DLC1: variants seen among roughly 807,000 people sequenced by gnomAD.
The protein encoded by DLC1 is rho GTPase-activating protein 7.
A neutral mutation model predicts 140.3 loss-of-function variants in DLC1; 54 were observed. That is an observed-to-expected ratio of 0.38 (90% confidence interval 0.31 to 0.48). The LOEUF (loss-of-function observed/expected upper bound fraction) is 0.48. Ranked by LOEUF, DLC1 falls within the 20% of genes least tolerant of loss-of-function variation. The pLI, the probability that DLC1 is intolerant of heterozygous loss-of-function variation, is 0.96. For missense variants in DLC1, 2,536 were observed against 1,907.0 expected, an observed-to-expected ratio of 1.33 and a Z score of -6.14; for synonymous variants, 986 against 728.1, an observed-to-expected ratio of 1.35 and a Z score of -5.70.
intron 1 of DLC1, among the ~76,000 whole-genome samples, chr8:13,512,665 G>A (rs1181846879): frequency 6.6e-6 from 1 of 152,032 alleles, no homozygotes; most frequent in Non-Finnish European, 1.5e-5. Context: ...GATGCCTGGG[G>A]GTGGTGCTGT....
chr8:13,372,664 G>C (rs895075195), intron 4 of DLC1, among the ~76,000 whole-genome samples: 4 of 152,008 alleles, frequency 2.6e-5, no homozygotes, highest in African/African-American at 9.7e-5. Flanking sequence ...CCTCATCTTT[G>C]TGAGTAAAAA....
intron 5 of DLC1, among the ~76,000 whole-genome samples, chr8:13,201,796 A>G (rs1827393650): frequency 6.6e-6 from 1 of 152,058 alleles, no homozygotes; most frequent in Non-Finnish European, 1.5e-5. Flanking sequence ...TATTTTTTTC[A>G]AACATTTATT....
chr8:13,202,324 T>C (rs1426944580), intron 5 of DLC1, among the ~76,000 whole-genome samples: 1 of 152,214 alleles, frequency 6.6e-6, no homozygotes, highest in African/African-American at 2.4e-5. Flanking sequence ...ATTTACAGGG[T>C]ACAGTGTGAT....
intron 5 of DLC1, among the ~76,000 whole-genome samples, chr8:13,126,201 A>C (rs7830817): frequency 0.6 from 91,181 of 151,886 alleles, 29,736 homozygotes; most frequent in African/African-American, 0.87. Flanking sequence ...TATCTCCCAA[A>C]TAATCAAAAA....
At chr8:13,371,207 A>C (rs765303085) in intron 4 of DLC1, among the ~76,000 whole-genome samples, 1 of 152,008 alleles carries the variant, frequency 6.6e-6, no homozygotes, top group African/African-American at 2.4e-5. Context: ...TCTTGAATCC[A>C]TGTATGCCTC....
chr8:13,480,194 G>A (rs921182595), intron 2 of DLC1, among the ~76,000 whole-genome samples: 1 of 152,140 alleles, frequency 6.6e-6, no homozygotes, highest in Non-Finnish European at 1.5e-5. Flanking sequence ...AAAAAATAGA[G>A]CATAGACAGT....
At chr8:13,560,206 C>T (rs6986670) in intron 1 of DLC1, among the ~76,000 whole-genome samples, 1 of 151,786 alleles carries the variant, frequency 6.6e-6, no homozygotes, top group Non-Finnish European at 1.5e-5. Flanking sequence ...ATACTCAGAT[C>T]GAATAGTAGG....
intron 2 of DLC1, among the ~76,000 whole-genome samples, chr8:13,465,651 T>C (rs1563371090): frequency 6.6e-6 from 1 of 152,210 alleles, no homozygotes; most frequent in Non-Finnish European, 1.5e-5. Flanking sequence ...TGTTTCTAAA[T>C]GTTGCTAATT....
At chr8:13,264,052 T>TTTTATTTATTTATATA (rs1554484716) in intron 5 of DLC1, among the ~76,000 whole-genome samples, 2 of 143,034 alleles carry the variant, frequency 1.4e-5, no homozygotes, top group African/African-American at 5.2e-5. Flanking sequence ...ATAAGAAGCT[T>TTTTATTTATTTATATA]TTTATTTATT....
intron 1 of DLC1, among the ~76,000 whole-genome samples, chr8:13,560,879 C>A (rs888677320): frequency 6.6e-6 from 1 of 152,006 alleles, no homozygotes; most frequent in African/African-American, 2.4e-5. Flanking sequence ...TGGAACAGAT[C>A]CTCCCCTCAC....
At chr8:13,167,611 G>C (rs1374277281) in intron 5 of DLC1, among the ~76,000 whole-genome samples, 2 of 152,302 alleles carry the variant, frequency 1.3e-5, no homozygotes, top group East Asian at 3.9e-4. Context: ...GCCTTGCTAT[G>C]TGAAAGGCAC....
At chr8:13,469,744 T>A (rs968522420) in intron 2 of DLC1, among the ~76,000 whole-genome samples, 2 of 152,214 alleles carry the variant, frequency 1.3e-5, no homozygotes, top group Admixed American at 1.3e-4. Context: ...CTTGGTATGA[T>A]TTTGACCTTC....
rs1322161447 is a variant in DLC1, at chr8:13,128,816, CAGAG to C, written c.1349-13163_1349-13160del. 4.3e-5 allele frequency among the ~76,000 whole-genome samples: 6 copies of C among 141,006 alleles called. No homozygotes were observed. The South Asian group carries it at 1.4e-3, about 32-fold the overall frequency. 92.5% of individuals were successfully genotyped at this position (141,006 alleles called of 152,430 possible). A position where few individuals can be genotyped will look rare whatever the true frequency, so the allele number is the denominator to read the frequency against. On this transcript the variant is annotated intron_variant, in intron 5 of 17. Coordinates refer to ENST00000276297, the MANE Select transcript of DLC1 (RefSeq NM_182643.3). The stretch of plus-strand genomic sequence containing the variant: ...CGCCACTGCACTCCAGCCTGGGCGA[CAGAG>C]AGAGACTCCGTCTCAAAAAAAAAAA...
rs193021411 is a variant in DLC1 at position 13,508,619 on chromosome 8, T to C, written c.-126+5983A>G. On this transcript the variant is annotated intron_variant, in intron 1 of 17. Coordinates refer to ENST00000276297, the MANE Select transcript of DLC1 (RefSeq NM_182643.3). Reference sequence around the variant, plus strand: ...ATTTTTAGTAGAGACAGGGTTTCACTGTGTTAGCCAGGATGGTCTTGATCT... The same window carrying C: ...ATTTTTAGTAGAGACAGGGTTTCACCGTGTTAGCCAGGATGGTCTTGATCT... Among the ~76,000 whole-genome samples, 688 of 151,986 alleles carry C rather than the reference T, an allele frequency of 4.5e-3. 8 individuals are homozygous for C. Among genetic ancestry groups the C allele is most frequent in the African/African-American group, 0.015 (604 of 41,510 alleles).
intron 2 of DLC1, among the ~76,000 whole-genome samples, chr8:13,495,146 T>C (rs891375237): frequency 6.6e-6 from 1 of 152,344 alleles, no homozygotes. Flanking sequence ...TGTGAGCAAA[T>C]AAACATATGT....
chr8:13,532,817 C>T (rs1407366541), intron 1 of DLC1, among the ~76,000 whole-genome samples: 1 of 152,164 alleles, frequency 6.6e-6, no homozygotes, highest in Non-Finnish European at 1.5e-5. Context: ...TAATTTCTCA[C>T]CCTGTAGACC....
rs1242215962 is a variant in DLC1 at position 13,467,447 on chromosome 8, AT to A, written c.1023+31601del. Among the ~76,000 whole-genome samples the A allele has an allele frequency of 4.0e-5, 4 of 99,670 alleles. No individual in the cohort carries two copies. The East Asian group carries it at 1.3e-3, about 32-fold the overall frequency. The allele number at this position is 99,670 out of a possible 152,430, so 65.4% of individuals were successfully genotyped here. On this transcript the variant is annotated intron_variant, in intron 2 of 17. Coordinates refer to ENST00000276297, the MANE Select transcript of DLC1 (RefSeq NM_182643.3). ...GTTAAGGTAGTTCTAGTCTCTTCTT[AT>A]ATTCCTTTTTTTTTCTTTTTAATGG...
At chr8:13,465,903 A>C (rs955913079) in intron 2 of DLC1, among the ~76,000 whole-genome samples, 1 of 152,086 alleles carries the variant, frequency 6.6e-6, no homozygotes, top group Admixed American at 6.5e-5. Context: ...GGACTTTGTC[A>C]CCCTTGACAC....
intron 5 of DLC1, among the ~76,000 whole-genome samples, chr8:13,165,374 C>T (rs950644897): frequency 1.6e-4 from 25 of 152,138 alleles, no homozygotes; most frequent in African/African-American, 4.8e-4. Flanking sequence ...GAGGTTTTCG[C>T]GTGACACACG....
Sources: allele counts gnomAD v4.1 joint callset (sites outside exome capture counted in the v4.1 genomes callset), GRCh38; gene constraint gnomAD v4.1.1; transcripts MANE v1.5; gene names NCBI Gene and HGNC (gene_info 2026-07-23, HGNC 2026-07-21).